Variants in NLGN1 observed in about 807,000 individuals in gnomAD.
The protein encoded by NLGN1 is neuroligin-1.
NLGN1 carries 12 observed loss-of-function variants against 65.5 expected under a neutral mutation model. The ratio of observed to expected loss-of-function variants is 0.18; its 90% confidence interval spans 0.12 to 0.30. The LOEUF is 0.30. Ranked by LOEUF, NLGN1 falls within the 10% of genes least tolerant of loss-of-function variation. The pLI is 1.00. For synonymous variants in NLGN1, 350 were observed against 359.5 expected (o/e 0.97, Z 0.30); for missense variants, 750 against 1,007.1 (o/e 0.74, Z 3.46).
chr3:173,946,553 A>G (rs947470776), intron 4 of NLGN1, among the ~76,000 whole-genome samples: 96 of 152,298 alleles, frequency 6.3e-4, no homozygotes, highest in Non-Finnish European at 1.2e-3. Flanking sequence ...TGCTGTTCAT[A>G]AATTATCTCT....
At chr3:173,731,035 C>T (rs184605915) in intron 3 of NLGN1, among the ~76,000 whole-genome samples, 9 of 152,140 alleles carry the variant, frequency 5.9e-5, no homozygotes, top group Admixed American at 3.3e-4. Flanking sequence ...TCTCTTGGAG[C>T]GGCTCTGCAG....
At chr3:173,709,257 A>T (rs1272258666) in intron 3 of NLGN1, among the ~76,000 whole-genome samples, 1 of 152,178 alleles carries the variant, frequency 6.6e-6, no homozygotes, top group Non-Finnish European at 1.5e-5. Context: ...GTTCAGCCAG[A>T]CCTAGCAGTC....
intron 4 of NLGN1, among the ~76,000 whole-genome samples, chr3:173,976,465 G>C (rs987758261): frequency 7.9e-5 from 12 of 152,026 alleles, no homozygotes; most frequent in Admixed American, 1.3e-4. Context: ...GAAGATGTGG[G>C]TCAGCATATT....
At chr3:173,722,238 CTTCTTT>C (rs1380462413) in intron 3 of NLGN1, among the ~76,000 whole-genome samples, 2 of 109,706 alleles carry the variant, frequency 1.8e-5, no homozygotes, top group African/African-American at 7.4e-5. Context: ...TTTTCTTCTT[CTTCTTT>C]TTTTTTTTTT....
chr3:173,807,840 G>GA lies in NLGN1; in HGVS notation c.646+9dup, dbSNP rs1327072055. 2.5e-6 allele frequency: 4 copies of GA among 1,611,842 alleles called. No homozygotes were observed. Among genetic ancestry groups the GA allele is most frequent in the Non-Finnish European group, 3.4e-6 (4 of 1,178,170 alleles). On this transcript the variant is annotated intron_variant, in intron 4 of 6. Transcript: ENST00000457714. The stretch of plus-strand genomic sequence containing the variant: ...ATCGACTTGGAGTACTCGGTAAGAA[G>GA]AGTCTCTCTTTTGTTTTCACCATGA...
intron 3 of NLGN1, among the ~76,000 whole-genome samples, chr3:173,648,276 G>C (rs571516646): frequency 2.6e-5 from 4 of 152,210 alleles, no homozygotes; most frequent in African/African-American, 9.6e-5. Context: ...TACCCAAAAT[G>C]TATAACAAAA....
At chr3:174,164,674 T>C (rs1377929107) in intron 4 of NLGN1, among the ~76,000 whole-genome samples, 1 of 152,122 alleles carries the variant, frequency 6.6e-6, no homozygotes, top group Non-Finnish European at 1.5e-5. Flanking sequence ...GTTGTAGGTG[T>C]GTGGTTTTAC....
At chr3:174,181,120 T>C (rs770392712) in intron 4 of NLGN1, among the ~76,000 whole-genome samples, 3 of 152,190 alleles carry the variant, frequency 2.0e-5, no homozygotes, top group African/African-American at 4.8e-5. Flanking sequence ...CGGGACACTT[T>C]AGTATTGTCC....
At chr3:173,715,086 A>G (rs1259045472) in intron 3 of NLGN1, among the ~76,000 whole-genome samples, 1 of 152,120 alleles carries the variant, frequency 6.6e-6, no homozygotes, top group Non-Finnish European at 1.5e-5. Context: ...AAAAGGCATG[A>G]AAGGTGGGGG....
In NLGN1 at chr3:173,921,207, A is replaced by T. The variant is rs1327004774; in HGVS notation, c.646+113375A>T. Among the ~76,000 whole-genome samples, 3 of 147,530 alleles carry T rather than the reference A, an allele frequency of 2.0e-5. No individual in the cohort carries two copies. The Admixed American group carries it at 2.1e-4, about 10-fold the overall frequency. ...TATATATACAATATATATGTAGTATATATAATATATATACTATGCATGTAT... is the reference window on the plus strand; with the variant it reads ...TATATATACAATATATATGTAGTATTTATAATATATATACTATGCATGTAT... On this transcript the variant is annotated intron_variant, in intron 4 of 6. Transcript: ENST00000457714.
chr3:173,908,151 A>T (rs973564721), intron 4 of NLGN1, among the ~76,000 whole-genome samples: 2 of 152,234 alleles, frequency 1.3e-5, no homozygotes, highest in African/African-American at 4.8e-5. Context: ...GGGACCATTT[A>T]TACCAAATAA....
intron 2 of NLGN1, among the ~76,000 whole-genome samples, chr3:173,439,338 T>C (rs1718721532): frequency 6.6e-6 from 1 of 152,132 alleles, no homozygotes; most frequent in Non-Finnish European, 1.5e-5. Flanking sequence ...ATCCAATGGA[T>C]GAATGGGAGC....
At chr3:174,270,574 C>A (rs763036325) in intron 4 of NLGN1, among the ~76,000 whole-genome samples, 1 of 151,678 alleles carries the variant, frequency 6.6e-6, no homozygotes, top group Non-Finnish European at 1.5e-5. Context: ...CCATGTCACC[C>A]CATTAGAAGA....
At chr3:174,182,385 T>C (rs1730609689) in intron 4 of NLGN1, among the ~76,000 whole-genome samples, 1 of 152,108 alleles carries the variant, frequency 6.6e-6, no homozygotes, top group South Asian at 2.1e-4. Context: ...AAACTTATTA[T>C]GTGCTATGAG....
At chr3:173,658,298 A>G (rs998984842) in intron 3 of NLGN1, among the ~76,000 whole-genome samples, 2 of 151,704 alleles carry the variant, frequency 1.3e-5, no homozygotes, top group African/African-American at 4.8e-5. Context: ...AACCTAAATT[A>G]CTCCTTTGTT....
intron 4 of NLGN1, among the ~76,000 whole-genome samples, chr3:173,899,539 A>T (rs1412097485): frequency 6.6e-6 from 1 of 152,156 alleles, no homozygotes; most frequent in Non-Finnish European, 1.5e-5. Context: ...TGATTTATAC[A>T]GCCCCTGAGT....
At chr3:174,080,620 G>A (rs1741959750) in intron 4 of NLGN1, among the ~76,000 whole-genome samples, 1 of 152,040 alleles carries the variant, frequency 6.6e-6, no homozygotes, top group Non-Finnish European at 1.5e-5. Flanking sequence ...CTCACTTGAG[G>A]CATTCTTCCC....
chr3:173,684,182 A>T (rs73880544), intron 3 of NLGN1, among the ~76,000 whole-genome samples: 2,122 of 152,292 alleles, frequency 0.014, 55 homozygotes, highest in African/African-American at 0.046. Context: ...TTTCAAAAAA[A>T]ATCATTTGCT....
chr3:173,807,841 A>C lies in NLGN1; in HGVS notation c.646+9A>C. On this transcript the variant is annotated intron_variant, in intron 4 of 6. Coordinates refer to ENST00000457714, the Ensembl canonical transcript of NLGN1. ...TCGACTTGGAGTACTCGGTAAGAAG[A>C]GTCTCTCTTTTGTTTTCACCATGAA... The C allele has an allele frequency of 6.2e-7, 1 of 1,611,676 alleles. No individual in the cohort carries two copies. Among genetic ancestry groups the C allele is most frequent in the Non-Finnish European group, 8.5e-7 (1 of 1,178,006 alleles).
Sources: allele counts gnomAD v4.1 joint callset (sites outside exome capture counted in the v4.1 genomes callset), GRCh38; gene constraint gnomAD v4.1.1; transcripts MANE v1.5; gene names NCBI Gene and HGNC (gene_info 2026-07-23, HGNC 2026-07-21).